INTS9: variants seen among roughly 807,000 people sequenced by gnomAD.
The protein encoded by INTS9 is integrator complex subunit 9.
In INTS9, 55 loss-of-function variants were observed where a neutral mutation model predicts 79.7. The ratio of observed to expected loss-of-function variants is 0.69; its 90% CI spans 0.56 to 0.86. INTS9 has a LOEUF of 0.86. Among genes scored for constraint, INTS9 ranks in the 40% least tolerant of loss-of-function variants. INTS9 has a pLI of 0.00. For synonymous variants in INTS9, 319 were observed against 325.2 expected, an observed-to-expected ratio of 0.98 and a Z score of 0.20; for missense variants, 721 against 831.5, an observed-to-expected ratio of 0.87 and a Z score of 1.64.
At chr8:28,801,994 T>C (rs1342310152) in intron 8 of INTS9, among the ~76,000 whole-genome samples, 1 of 152,162 alleles carries the variant, frequency 6.6e-6, no homozygotes, top group Non-Finnish European at 1.5e-5. Context: ...GATCATGAAG[T>C]ACAGGTGTGG....
At chr8:28,772,063 T>G (rs951764857) in intron 14 of INTS9, among the ~76,000 whole-genome samples, 19 of 152,154 alleles carry the variant, frequency 1.2e-4, no homozygotes, top group Non-Finnish European at 2.6e-4. Flanking sequence ...GGTCTTGCTG[T>G]GTTGCCCAGG....
chr8:28,876,603 T>C (rs894277588), intron 1 of INTS9, among the ~76,000 whole-genome samples: 1 of 152,044 alleles, frequency 6.6e-6, no homozygotes, highest in Admixed American at 6.5e-5. Flanking sequence ...TAATCAGAAA[T>C]AGAGACGCCT....
intron 8 of INTS9, among the ~76,000 whole-genome samples, chr8:28,811,278 C>T (rs1805117556): frequency 6.6e-6 from 1 of 152,110 alleles, no homozygotes; most frequent in Admixed American, 6.5e-5. Flanking sequence ...TAGGTGCACA[C>T]CATCACACCT....
intron 4 of INTS9, among the ~76,000 whole-genome samples, chr8:28,842,038 T>C (rs1452788939): frequency 6.6e-6 from 1 of 152,142 alleles, no homozygotes; most frequent in African/African-American, 2.4e-5. Flanking sequence ...GAGTGAATTA[T>C]GGTTATGCCA....
intron 4 of INTS9, among the ~76,000 whole-genome samples, chr8:28,842,365 T>C (rs1286755679): frequency 1.3e-5 from 2 of 152,212 alleles, no homozygotes; most frequent in African/African-American, 4.8e-5. Flanking sequence ...TTCATTTCTC[T>C]AAAAATGTTT....
chr8:28,804,625 A>G (rs1418371633), intron 8 of INTS9, among the ~76,000 whole-genome samples: 1 of 152,176 alleles, frequency 6.6e-6, no homozygotes, highest in African/African-American at 2.4e-5. Context: ...GTATGAGAGG[A>G]GGGTCCCTGA....
chr8:28,831,914 A>G (rs956780793), intron 6 of INTS9, among the ~76,000 whole-genome samples: 4 of 152,040 alleles, frequency 2.6e-5, no homozygotes, highest in Non-Finnish European at 5.9e-5. Flanking sequence ...CATATTGGCC[A>G]GGCTGGTCTT....
intron 4 of INTS9, among the ~76,000 whole-genome samples, chr8:28,842,465 C>G (rs1328490263): frequency 6.6e-6 from 1 of 152,170 alleles, no homozygotes; most frequent in Non-Finnish European, 1.5e-5. Flanking sequence ...AAAAGCAGTC[C>G]TGAATAATCA....
chr8:28,777,933 CCAGGTAGGA>C lies in INTS9; in HGVS notation c.1282_1290del (p.Ser428_Leu430del), dbSNP rs1413471552. The stretch of plus-strand genomic sequence containing the variant: ...AGCGGCTGGTAAGGAGCCAGGGCTT[CCAGGTAGGA>C]GAAGTCTGGTTCTAGGGAAAGTACA... On this transcript the variant is annotated inframe_deletion, in exon 13 of 17. Transcript: ENST00000521022. 6.2e-7 allele frequency: 1 copy of C among 1,611,290 alleles called. No homozygotes were observed. Among genetic ancestry groups the C allele is most frequent in the South Asian group, 1.1e-5 (1 of 90,710 alleles).
chr8:28,866,622 T>G (rs1204517020), intron 1 of INTS9, among the ~76,000 whole-genome samples: 1 of 152,228 alleles, frequency 6.6e-6, no homozygotes. Context: ...TTTTGAATGT[T>G]ACATTTATTA....
chr8:28,784,361 C>T (rs1803466299), intron 11 of INTS9, among the ~76,000 whole-genome samples: 1 of 152,240 alleles, frequency 6.6e-6, no homozygotes, highest in African/African-American at 2.4e-5. Context: ...AAGTCCACCA[C>T]AAGATGTTTT....
At chr8:28,822,558 T>G (rs1448845899) in intron 6 of INTS9, among the ~76,000 whole-genome samples, 1 of 152,166 alleles carries the variant, frequency 6.6e-6, no homozygotes, top group African/African-American at 2.4e-5. Flanking sequence ...ACTCCTGTTC[T>G]AAATTGAAAG....
At position 28,769,979 on chromosome 8, in the gene INTS9, C is replaced by T. The variant is rs1362509869; in HGVS notation, c.1710G>A (p.Arg570=). 5 of 1,614,198 alleles carry T rather than the reference C, an allele frequency of 3.1e-6. No homozygotes were observed. Among genetic ancestry groups the T allele is most frequent in the Non-Finnish European group, 4.2e-6 (5 of 1,180,040 alleles). ...AQPTSGKKRK[R]VSDDVPDCKV... ...TGCAGTCTGGTACGTCATCGCTCAC[C>T]CGCTTTCTCTTCTTCCCGCTCGTGG... The change falls in exon 16 of 17, where the codon CGG becomes CGA. Residue 570 remains arginine, a synonymous_variant. Transcript: ENST00000521022.
At chr8:28,865,714 G>C (rs978667154) in intron 1 of INTS9, among the ~76,000 whole-genome samples, 1 of 152,018 alleles carries the variant, frequency 6.6e-6, no homozygotes, top group Non-Finnish European at 1.5e-5. Flanking sequence ...TTTGTTGTTG[G>C]TGCTCTGATT....
At chr8:28,785,653 G>A (rs1395943989) in intron 11 of INTS9, among the ~76,000 whole-genome samples, 1 of 152,156 alleles carries the variant, frequency 6.6e-6, no homozygotes, top group Non-Finnish European at 1.5e-5. Flanking sequence ...GTGGAGAATG[G>A]TATCTAGAAA....
At chr8:28,878,767 G>T (rs117810695) in intron 1 of INTS9, among the ~76,000 whole-genome samples, 1 of 151,862 alleles carries the variant, frequency 6.6e-6, no homozygotes, top group South Asian at 2.1e-4. Flanking sequence ...GTAACTTGAG[G>T]TCAGGAGTTC....
intron 1 of INTS9, among the ~76,000 whole-genome samples, chr8:28,870,728 A>G (rs1181516566): frequency 6.6e-6 from 1 of 152,238 alleles, no homozygotes; most frequent in Non-Finnish European, 1.5e-5. Context: ...GCTGGTCACA[A>G]TTGTGAAGAC....
chr8:28,777,777 C>G, intron 13 of INTS9, 52 bp downstream of exon 13: 1 of 1,541,684 alleles, frequency 6.5e-7, no homozygotes, highest in Non-Finnish European at 8.7e-7. Flanking sequence ...CAAGCATGAG[C>G]CACACCAAGG....
At chr8:28,884,162 G>GTGTA (rs1009481599) in intron 1 of INTS9, among the ~76,000 whole-genome samples, 1 of 125,028 alleles carries the variant, frequency 8.0e-6, no homozygotes, top group African/African-American at 2.9e-5. Flanking sequence ...TCTGTCATCA[G>GTGTA]TGTATCTTTT....
Sources: allele counts gnomAD v4.1 joint callset (sites outside exome capture counted in the v4.1 genomes callset), GRCh38; gene constraint gnomAD v4.1.1; transcripts MANE v1.5; gene names NCBI Gene and HGNC (gene_info 2026-07-23, HGNC 2026-07-21).